KCNQ5: variants seen among roughly 807,000 people sequenced by gnomAD.
The protein encoded by KCNQ5 is potassium voltage-gated channel subfamily Q member 5.
Under a neutral mutation model 98.2 loss-of-function variants are expected in KCNQ5, and 30 were observed. The observed-to-expected ratio is 0.31, with a 90% confidence interval of 0.23 to 0.41. KCNQ5 has a LOEUF of 0.41. Ranked by LOEUF, KCNQ5 falls within the 10% of genes least tolerant of loss-of-function variation. The pLI is 1.00. For synonymous variants in KCNQ5, 458 were observed against 449.4 expected (o/e 1.02, Z -0.24); for missense variants, 835 against 1,182.5 (o/e 0.71, Z 4.31).
intron 1 of KCNQ5, among the ~76,000 whole-genome samples, chr6:72,869,678 T>G (rs1235141740): frequency 6.6e-6 from 1 of 152,166 alleles, no homozygotes; most frequent in Non-Finnish European, 1.5e-5. Context: ...AACTTTTGCT[T>G]TGTTAAAGAA....
chr6:72,825,283 A>G (rs764599492), intron 1 of KCNQ5, among the ~76,000 whole-genome samples: 14 of 151,788 alleles, frequency 9.2e-5, no homozygotes, highest in Admixed American at 2.0e-4. Flanking sequence ...CCTGATTTCT[A>G]TTTTTTCCAC....
intron 9 of KCNQ5, among the ~76,000 whole-genome samples, chr6:73,131,593 C>T (rs1457402931): frequency 1.3e-4 from 4 of 30,848 alleles, no homozygotes; most frequent in Non-Finnish European, 3.8e-4. Context: ...GAAACTTTTA[C>T]AATTTAAAAA....
chr6:72,828,574 T>A (rs745655571), intron 1 of KCNQ5, among the ~76,000 whole-genome samples: 9 of 152,308 alleles, frequency 5.9e-5, no homozygotes, highest in Non-Finnish European at 1.0e-4. Flanking sequence ...TAATTCTGTA[T>A]CCTGCAACTT....
Position 72,752,638 on chromosome 6 carries a change from TG to T in KCNQ5, c.398+130053del, listed in dbSNP as rs746983737. On this transcript the variant is annotated intron_variant, in intron 1 of 13. Coordinates refer to ENST00000370398, the MANE Select transcript of KCNQ5 (RefSeq NM_019842.4). ...CACAACCACAGTCCATTAAACAATT[TG>T]GATCTTCACAGTCTCCTGAATTGCC... Among the ~76,000 whole-genome samples, 11 of 152,262 alleles carry T rather than the reference TG, an allele frequency of 7.2e-5. No homozygotes were observed. The East Asian group carries it at 1.5e-3, about 21-fold the overall frequency.
chr6:72,953,189 A>G (rs190608503), intron 1 of KCNQ5, among the ~76,000 whole-genome samples: 135 of 152,336 alleles, frequency 8.9e-4, no homozygotes, highest in Non-Finnish European at 1.4e-3. Context: ...TGAAGGCCAC[A>G]TAACAAGAAA....
chr6:72,847,501 C>A (rs539922705), intron 1 of KCNQ5, among the ~76,000 whole-genome samples: 1 of 151,992 alleles, frequency 6.6e-6, no homozygotes, highest in East Asian at 1.9e-4. Context: ...GGGTGGACAA[C>A]AGCGATTTAC....
At chr6:72,966,597 A>AG (rs558212749) in intron 1 of KCNQ5, among the ~76,000 whole-genome samples, 9 of 151,966 alleles carry the variant, frequency 5.9e-5, no homozygotes, top group South Asian at 2.1e-4. Flanking sequence ...AGAGAGAGAG[A>AG]AAAAAAAGAA....
chr6:72,745,697 C>G (rs908374022), intron 1 of KCNQ5, among the ~76,000 whole-genome samples: 2 of 152,052 alleles, frequency 1.3e-5, no homozygotes, highest in Non-Finnish European at 2.9e-5. Context: ...CTTTGGATGC[C>G]GTATCAAATT....
intron 5 of KCNQ5, among the ~76,000 whole-genome samples, chr6:73,095,624 G>A (rs914079007): frequency 5.9e-5 from 9 of 152,276 alleles, no homozygotes; most frequent in African/African-American, 1.9e-4. Context: ...TTCCCTTGGT[G>A]TAGTACTCTC....
chr6:73,065,673 C>T (rs1773017574), intron 3 of KCNQ5, among the ~76,000 whole-genome samples: 1 of 152,252 alleles, frequency 6.6e-6, no homozygotes, highest in African/African-American at 2.4e-5. Context: ...CCTTCTCTCA[C>T]TCCGCTCAAG....
chr6:72,984,513 G>A (rs868432193), intron 1 of KCNQ5, among the ~76,000 whole-genome samples: 3 of 152,098 alleles, frequency 2.0e-5, no homozygotes, highest in Non-Finnish European at 4.4e-5. Context: ...GAGACCCATC[G>A]AGCCAGACAT....
chr6:72,864,027 C>A (rs544426695), intron 1 of KCNQ5, among the ~76,000 whole-genome samples: 5 of 152,150 alleles, frequency 3.3e-5, no homozygotes, highest in African/African-American at 4.8e-5. Context: ...ATTGCAGCCT[C>A]CCCGCGGCAA....
intron 10 of KCNQ5, chr6:73,134,064 C>A (rs189266453): frequency 2.2e-6 from 1 of 461,156 alleles, no homozygotes; most frequent in Admixed American, 2.4e-5. Context: ...CATTTCTGGT[C>A]AACAATGAAG....
At chr6:72,632,116 T>C (rs544842812) in intron 1 of KCNQ5, among the ~76,000 whole-genome samples, 23 of 151,138 alleles carry the variant, frequency 1.5e-4, no homozygotes, top group African/African-American at 5.1e-4. Flanking sequence ...GTTAGAGTTT[T>C]AGATTTTTTC....
At chr6:73,070,083 A>G (rs1773237271) in intron 3 of KCNQ5, among the ~76,000 whole-genome samples, 1 of 152,200 alleles carries the variant, frequency 6.6e-6, no homozygotes, top group Admixed American at 6.5e-5. Flanking sequence ...AAGACAATAA[A>G]GAAGGAGATG....
chr6:72,658,166 G>A lies in KCNQ5; in HGVS notation c.398+35579G>A, dbSNP rs564263731. Among the ~76,000 whole-genome samples, 82 of 152,236 alleles carry A rather than the reference G, an allele frequency of 5.4e-4. 1 individual carries two copies. The highest frequency in any genetic ancestry group is 1.9e-3 in the African/African-American group (78 of 41,528). The stretch of plus-strand genomic sequence containing the variant: ...CTGTTTTGAGAGAATAAATGCCCAG[G>A]AAGACCCTTTGAAAATAAAATGGGT... On this transcript the variant is annotated intron_variant, in intron 1 of 13. Transcript: ENST00000370398.
At chr6:72,915,399 T>G (rs538021067) in intron 1 of KCNQ5, among the ~76,000 whole-genome samples, 2 of 152,238 alleles carry the variant, frequency 1.3e-5, no homozygotes, top group South Asian at 4.1e-4. Flanking sequence ...ATTGATTCTT[T>G]TCTCCCAAAT....
chr6:73,071,974 ACTTAG>A (rs1195918470), intron 3 of KCNQ5, among the ~76,000 whole-genome samples: 1 of 152,164 alleles, frequency 6.6e-6, no homozygotes, highest in African/African-American at 2.4e-5. Flanking sequence ...ATTATTCAAA[ACTTAG>A]CTTATAGTGA....
chr6:73,107,759 AC>A (rs1263859236), intron 6 of KCNQ5, among the ~76,000 whole-genome samples: 1 of 152,240 alleles, frequency 6.6e-6, no homozygotes, highest in Non-Finnish European at 1.5e-5. Flanking sequence ...AATTAAATTA[AC>A]CTATGTTGGA....
Sources: allele counts gnomAD v4.1 joint callset (sites outside exome capture counted in the v4.1 genomes callset), GRCh38; gene constraint gnomAD v4.1.1; transcripts MANE v1.5; gene names NCBI Gene and HGNC (gene_info 2026-07-23, HGNC 2026-07-21).